The following DCC variants were observed in gnomAD, a reference collection of about 807,000 sequenced individuals.
The protein encoded by DCC is DCC netrin 1 receptor, also known as netrin receptor DCC.
DCC carries 58 observed loss-of-function variants against 172.5 expected under a neutral mutation model. The ratio of observed to expected loss-of-function variants is 0.34; its 90% CI spans 0.27 to 0.42. The LOEUF is 0.42. DCC is among the 10% of genes least tolerant of loss of function. The pLI is 1.00. For missense variants in DCC, 1,740 were observed against 1,791.0 expected (o/e 0.97, Z 0.51); for synonymous variants, 709 against 644.5 (o/e 1.10, Z -1.52).
chr18:52,861,788 A>G (rs1355514896), intron 2 of DCC, among the ~76,000 whole-genome samples: 2 of 152,212 alleles, frequency 1.3e-5, no homozygotes, highest in Non-Finnish European at 2.9e-5. Flanking sequence ...AAGGTTTTAC[A>G]TGGGTCTAAT....
intron 2 of DCC, among the ~76,000 whole-genome samples, chr18:52,791,732 A>T (rs1312928857): frequency 1.3e-5 from 2 of 152,028 alleles, no homozygotes; most frequent in Non-Finnish European, 2.9e-5. Context: ...TTCCTCCTTG[A>T]TGGAGGAAGT....
chr18:53,298,351 C>T (rs2057092096), intron 12 of DCC, among the ~76,000 whole-genome samples: 1 of 151,832 alleles, frequency 6.6e-6, no homozygotes, highest in East Asian at 1.9e-4. Flanking sequence ...ATCTGGACAA[C>T]ATGACAAGAC....
At chr18:53,049,439 G>A (rs2144032951) in intron 5 of DCC, among the ~76,000 whole-genome samples, 1 of 152,144 alleles carries the variant, frequency 6.6e-6, no homozygotes, top group Non-Finnish European at 1.5e-5. Context: ...TATTAAATAG[G>A]GAGTCTTTTC....
chr18:53,434,574 T>C (rs1235871913), intron 21 of DCC, among the ~76,000 whole-genome samples: 2 of 152,202 alleles, frequency 1.3e-5, no homozygotes, highest in Non-Finnish European at 2.9e-5. Flanking sequence ...ATGGTGTATT[T>C]GTAGGAAATA....
chr18:53,020,527 G>T (rs1378705863), intron 5 of DCC, among the ~76,000 whole-genome samples: 1 of 152,030 alleles, frequency 6.6e-6, no homozygotes, highest in Non-Finnish European at 1.5e-5. Flanking sequence ...AACGAAAAAG[G>T]TCTCATACTG....
In DCC at chr18:52,427,847, C is replaced by CCTTTCTTT. The variant is rs747098447; in HGVS notation, c.91+86972_91+86973insTCTTTCTT. 3.0e-4 allele frequency among the ~76,000 whole-genome samples: 35 copies of CCTTTCTTT among 115,738 alleles called. No homozygotes were observed. The East Asian group carries it at 8.3e-3, about 27-fold the overall frequency. The allele number at this position is 115,738 out of a possible 152,430, so 75.9% of individuals were successfully genotyped here. On this transcript the variant is annotated intron_variant, in intron 1 of 28. Coordinates refer to ENST00000442544, the MANE Select transcript of DCC (RefSeq NM_005215.4). ...TCCTTCCTTCCTTTCTTCCTTCCTT[C>CCTTTCTTT]CTTCCTTCCTTCCTTCCTTCCTTCC...
intron 2 of DCC, among the ~76,000 whole-genome samples, chr18:52,786,099 G>A (rs2037652539): frequency 6.6e-6 from 1 of 152,008 alleles, no homozygotes; most frequent in African/African-American, 2.4e-5. Context: ...TGGTGTAGTA[G>A]GTACTTTCCA....
chr18:52,505,464 T>C (rs1018605221), intron 1 of DCC, among the ~76,000 whole-genome samples: 1 of 152,192 alleles, frequency 6.6e-6, no homozygotes, highest in Admixed American at 6.6e-5. Flanking sequence ...ACACATTTAA[T>C]TTTTAGAACA....
chr18:53,446,509 C>A (rs1473003551), intron 22 of DCC, among the ~76,000 whole-genome samples: 1 of 152,172 alleles, frequency 6.6e-6, no homozygotes, highest in South Asian at 2.1e-4. Flanking sequence ...TCTCCCAGAT[C>A]TCCTAACTAC....
At chr18:52,632,551 G>A (rs1264011296) in intron 1 of DCC, among the ~76,000 whole-genome samples, 3 of 152,200 alleles carry the variant, frequency 2.0e-5, no homozygotes, top group African/African-American at 4.8e-5. Context: ...CCTGTTCCAC[G>A]CAGGTAGCTG....
At chr18:52,961,472 G>A (rs2040841622) in intron 5 of DCC, among the ~76,000 whole-genome samples, 1 of 151,972 alleles carries the variant, frequency 6.6e-6, no homozygotes, top group South Asian at 2.1e-4. Flanking sequence ...TGGATATTGG[G>A]GTCCTTGTCT....
intron 1 of DCC, among the ~76,000 whole-genome samples, chr18:52,579,211 T>C (rs912887854): frequency 1.3e-5 from 2 of 152,222 alleles, no homozygotes; most frequent in Non-Finnish European, 2.9e-5. Context: ...ATGTTCTCGT[T>C]TGCTGCCATG....
chr18:52,595,138 G>T (rs972781743), intron 1 of DCC, among the ~76,000 whole-genome samples: 2 of 152,278 alleles, frequency 1.3e-5, no homozygotes, highest in East Asian at 3.9e-4. Context: ...AAAAGTTATG[G>T]TCCTTCTCCT....
At chr18:53,440,354 T>A (rs1311589397) in intron 22 of DCC, among the ~76,000 whole-genome samples, 8 of 152,156 alleles carry the variant, frequency 5.3e-5, no homozygotes. Flanking sequence ...AAAGATAAAG[T>A]TAAACTTGAT....
intron 27 of DCC, among the ~76,000 whole-genome samples, chr18:53,501,651 G>A (rs1008977253): frequency 2.6e-5 from 4 of 152,134 alleles, no homozygotes; most frequent in African/African-American, 4.8e-5. Flanking sequence ...TGCTGTTAAT[G>A]TTCTCTCGGC....
intron 12 of DCC, among the ~76,000 whole-genome samples, chr18:53,259,936 A>G (rs2056573892): frequency 6.6e-6 from 1 of 151,934 alleles, no homozygotes; most frequent in Admixed American, 6.6e-5. Context: ...TTCTCTTCTC[A>G]CTTCATTTCA....
intron 11 of DCC, among the ~76,000 whole-genome samples, chr18:53,211,885 TA>T (rs1264164842): frequency 6.6e-6 from 1 of 151,374 alleles, no homozygotes; most frequent in African/African-American, 2.4e-5. Context: ...CTGTCTCCAA[TA>T]AAAATTTAAA....
chr18:52,375,899 G>A (rs1985325351), intron 1 of DCC, among the ~76,000 whole-genome samples: 1 of 152,174 alleles, frequency 6.6e-6, no homozygotes. Flanking sequence ...CTGTTGGGGT[G>A]CTAAGTCACA....
chr18:52,435,607 C>A (rs1377975255), intron 1 of DCC, among the ~76,000 whole-genome samples: 1 of 152,202 alleles, frequency 6.6e-6, no homozygotes, highest in Non-Finnish European at 1.5e-5. Flanking sequence ...TTTATCTCAA[C>A]GGTGATAGTG....
Sources: allele counts gnomAD v4.1 joint callset (sites outside exome capture counted in the v4.1 genomes callset), GRCh38; gene constraint gnomAD v4.1.1; transcripts MANE v1.5; gene names NCBI Gene and HGNC (gene_info 2026-07-23, HGNC 2026-07-21).